WDR37: variants seen among roughly 807,000 people sequenced by gnomAD.
WDR37 encodes WD repeat domain 37, also known as WD repeat-containing protein 37.
A neutral mutation model predicts 62.9 loss-of-function variants in WDR37; 19 were observed. That is an observed-to-expected ratio of 0.30 (90% CI 0.21 to 0.44). The LOEUF is 0.44. Ranked by LOEUF, WDR37 falls within the 20% of genes least tolerant of loss-of-function variation. WDR37 has a pLI of 1.00. For missense variants in WDR37, 474 were observed against 657.6 expected (o/e 0.72, Z 3.05); for synonymous variants, 250 against 260.9 (o/e 0.96, Z 0.40).
intron 11 of WDR37, among the ~76,000 whole-genome samples, chr10:1,116,137 C>T (rs544630892): frequency 9.2e-5 from 14 of 152,260 alleles, no homozygotes; most frequent in South Asian, 2.1e-4. Flanking sequence ...GGCAACCTCC[C>T]GTCATCCACC....
chr10:1,103,851 T>A lies in WDR37; in HGVS notation c.961+15T>A, dbSNP rs761561037. ...CTCTCTGACAGGTGCCTGGGTTCTCTGAGTCCGCCGCCTCCTGGCTGTGCA... is the reference window on the plus strand; with the variant it reads ...CTCTCTGACAGGTGCCTGGGTTCTCAGAGTCCGCCGCCTCCTGGCTGTGCA... On this transcript the variant is annotated intron_variant, in intron 10 of 13. Transcript: ENST00000263150. The surrounding 1 kb of genome is among the most constrained non-coding windows in gnomAD (Gnocchi z 6.3). The A allele has an allele frequency of 3.1e-6, 5 of 1,612,512 alleles. No homozygotes were observed. Among genetic ancestry groups the A allele is most frequent in the Non-Finnish European group, 4.2e-6 (5 of 1,178,740 alleles).
At chr10:1,104,388 C>T (rs1834918702) in intron 10 of WDR37, among the ~76,000 whole-genome samples, 1 of 152,224 alleles carries the variant, frequency 6.6e-6, no homozygotes, top group Non-Finnish European at 1.5e-5. Context: ...GCCCTGGGGC[C>T]CCTGCACAGG....
At chr10:1,092,948 T>TA (rs1402275655) in intron 7 of WDR37, among the ~76,000 whole-genome samples, 1 of 145,610 alleles carries the variant, frequency 6.9e-6, no homozygotes, top group Non-Finnish European at 1.5e-5. Flanking sequence ...GAGGACATCA[T>TA]AGACTGTGTA....
chr10:1,117,270 C>T (rs1353122436), intron 11 of WDR37, among the ~76,000 whole-genome samples: 1 of 152,088 alleles, frequency 6.6e-6, no homozygotes, highest in Non-Finnish European at 1.5e-5. Flanking sequence ...GCTTAGGCTG[C>T]TCTCGAAATC....
intron 11 of WDR37, among the ~76,000 whole-genome samples, chr10:1,109,537 C>G (rs1442606130): frequency 6.6e-6 from 1 of 152,048 alleles, no homozygotes; most frequent in Non-Finnish European, 1.5e-5. Flanking sequence ...CATGGAGAAA[C>G]TCTGTCTTTA....
intron 6 of WDR37, 76 bp from the exon 7 acceptor site, chr10:1,086,210 T>C: frequency 8.2e-7 from 1 of 1,221,076 alleles, no homozygotes; most frequent in Non-Finnish European, 1.2e-6. Context: ...TTTTAGAGTA[T>C]TTGTCTTATT....
chr10:1,106,216 T>C (rs1835012322), intron 11 of WDR37, among the ~76,000 whole-genome samples: 1 of 152,142 alleles, frequency 6.6e-6, no homozygotes, highest in African/African-American at 2.4e-5. Flanking sequence ...TCCCTGGTTC[T>C]TCTCTTTTAA....
rs1163202322 is a variant in WDR37, at chr10:1,080,028, A to G, written c.253A>G (p.Thr85Ala). 5 of 1,614,084 alleles carry G rather than the reference A, an allele frequency of 3.1e-6. 1 individual carries two copies. In the Admixed American group the frequency reaches 5.0e-5, roughly 16 times the overall value. ...ENLELRREID[T>A]LNERLAAEGQ... ...CTTCCCAGTACGTAGAGAAATCGAC[A>G]CTCTTAATGAACGTTTAGCTGCTGA... Residue 85 changes from threonine to alanine, a missense_variant, in exon 4 of 14, where the codon ACT becomes GCT. Physicochemically the swap from Thr to Ala is moderately conservative, Grantham distance 58. Coordinates refer to ENST00000263150, the MANE Select transcript of WDR37 (RefSeq NM_014023.4).
chr10:1,102,705 C>T (rs559940483), intron 9 of WDR37, among the ~76,000 whole-genome samples: 131 of 152,180 alleles, frequency 8.6e-4, no homozygotes, highest in Non-Finnish European at 1.4e-3. Flanking sequence ...CCACCAGGCC[C>T]GGCCTCCAAC....
At chr10:1,111,709 G>A (rs186227432) in intron 11 of WDR37, among the ~76,000 whole-genome samples, 3 of 152,284 alleles carry the variant, frequency 2.0e-5, no homozygotes, top group Non-Finnish European at 4.4e-5. Context: ...TGGCGTAACT[G>A]TGTGGCTGTT....
At chr10:1,065,354 A>G (rs530238235) in intron 1 of WDR37, among the ~76,000 whole-genome samples, 3 of 152,364 alleles carry the variant, frequency 2.0e-5, no homozygotes, top group East Asian at 1.9e-4. Flanking sequence ...CTGTAAATGT[A>G]TAATGTAAAA....
Position 1,126,390 on chromosome 10 carries a change from A to C in WDR37, c.1353+1366A>C, listed in dbSNP as rs1201508372. ...CACTGCACTCCAGCCTGGGCGACAG[A>C]GCGAGACTGTGTCTCAGAAAAAAAA... On this transcript the variant is annotated intron_variant, in intron 13 of 13. Transcript: ENST00000263150. Among the ~76,000 whole-genome samples, 10 of 143,798 alleles carry C rather than the reference A, an allele frequency of 7.0e-5. 1 individual carries two copies. Among genetic ancestry groups the C allele is most frequent in the Admixed American group, 3.4e-4 (5 of 14,622 alleles). 94.3% of individuals were successfully genotyped at this position (143,798 alleles called of 152,430 possible). A position where few individuals can be genotyped will look rare whatever the true frequency, so the allele number is the denominator to read the frequency against.
At position 1,056,859 on chromosome 10, in the gene WDR37, C is replaced by G. The variant is rs1025759848; in HGVS notation, c.-150C>G. The G allele has an allele frequency of 6.6e-6, 1 of 152,238 alleles. No homozygotes were observed. Among genetic ancestry groups the G allele is most frequent in the Non-Finnish European group, 1.5e-5 (1 of 68,126 alleles). 9.4% of individuals were successfully genotyped at this position (152,238 alleles called of 1,614,324 possible). Reference sequence around the variant, plus strand: ...TGGGGTCGCGTCAGTGCGGAGACAGCGGTGTCCTGCGCGTCTTCGGGTCAG... The same window carrying G: ...TGGGGTCGCGTCAGTGCGGAGACAGGGGTGTCCTGCGCGTCTTCGGGTCAG... On this transcript the variant is annotated 5_prime_UTR_variant, in exon 1 of 14. Transcript: ENST00000263150.
At chr10:1,125,423 T>G (rs1390390678) in intron 13 of WDR37, among the ~76,000 whole-genome samples, 1 of 152,208 alleles carries the variant, frequency 6.6e-6, no homozygotes, top group Admixed American at 6.5e-5. Flanking sequence ...TTAGTCAGGC[T>G]GGTCTTGAAC....
intron 11 of WDR37, among the ~76,000 whole-genome samples, chr10:1,114,020 T>C (rs1323143437): frequency 7.2e-6 from 1 of 139,076 alleles, no homozygotes; most frequent in Non-Finnish European, 1.5e-5. Flanking sequence ...GCAGTGGTGC[T>C]ATCTTGGCTC....
At chr10:1,109,369 G>A (rs955243534) in intron 11 of WDR37, among the ~76,000 whole-genome samples, 2 of 152,258 alleles carry the variant, frequency 1.3e-5, no homozygotes, top group African/African-American at 4.8e-5. Context: ...TTCTAAGGCT[G>A]TTGCAACCGT....
intron 3 of WDR37, among the ~76,000 whole-genome samples, chr10:1,079,527 T>C (rs983357469): frequency 6.6e-6 from 1 of 151,928 alleles, no homozygotes; most frequent in Non-Finnish European, 1.5e-5. Context: ...GTATCTCTAA[T>C]GGTTTCTTTC....
chr10:1,119,437 T>C (rs1221356066), intron 11 of WDR37, among the ~76,000 whole-genome samples: 1 of 152,238 alleles, frequency 6.6e-6, no homozygotes, highest in East Asian at 1.9e-4. Flanking sequence ...GGTCAGGTTA[T>C]ACTGAACTAA....
At chr10:1,086,250 T>C (rs756438787) in intron 6 of WDR37, 36 bp from the exon 7 acceptor site, 1 of 1,576,538 alleles carries the variant, frequency 6.3e-7, no homozygotes, top group Non-Finnish European at 8.7e-7. Flanking sequence ...AAACTGATGA[T>C]AGCTAAGTTC....
Sources: allele counts gnomAD v4.1 joint callset (sites outside exome capture counted in the v4.1 genomes callset), GRCh38; gene constraint gnomAD v4.1.1; non-coding constraint Gnocchi (gnomAD v3.1); transcripts MANE v1.5; gene names NCBI Gene and HGNC (gene_info 2026-07-23, HGNC 2026-07-21).